Variants in VIL1 observed in about 807,000 individuals in gnomAD.
The protein encoded by VIL1 is villin-1.
A neutral mutation model predicts 104.0 loss-of-function variants in VIL1; 86 were observed. The observed-to-expected ratio is 0.83, with a 90% CI of 0.69 to 0.99. The LOEUF is 0.99. Among genes scored for constraint, VIL1 ranks in the 50% least tolerant of loss-of-function variants. VIL1 has a pLI of 0.00. For missense variants in VIL1, 944 were observed against 1,054.1 expected (o/e 0.90, Z 1.45); for synonymous variants, 394 against 412.6 (o/e 0.95, Z 0.55).
intron 4 of VIL1, among the ~76,000 whole-genome samples, chr2:218,426,639 C>T (rs767896988): frequency 6.8e-6 from 1 of 147,850 alleles, no homozygotes; most frequent in Non-Finnish European, 1.5e-5. Context: ...TCTTGTTCTG[C>T]CGCCCAGGCT....
At chr2:218,438,604 A>T in intron 17 of VIL1, 54 bp from the exon 18 acceptor site, 1 of 1,537,998 alleles carries the variant, frequency 6.5e-7, no homozygotes, top group Non-Finnish European at 8.9e-7. Context: ...ATGGCTTCTC[A>T]TCCATCTCCT....
rs944579577 is a variant in VIL1, at chr2:218,449,370, C to G, written c.*34C>G. On this transcript the variant is annotated 3_prime_UTR_variant, in exon 20 of 20. Coordinates refer to ENST00000248444, the MANE Select transcript of VIL1 (RefSeq NM_007127.3). ...GCTGTGGTTGTAAAGCAGTACCCTA[C>G]CCTGATTGTAGGGTCTCATTTTCTC... 2 of 1,527,966 alleles carry G rather than the reference C, an allele frequency of 1.3e-6. No individual in the cohort carries two copies. The allele number at this position is 1,527,966 out of a possible 1,614,324, so 94.7% of individuals were successfully genotyped here. A position where few individuals can be genotyped will look rare whatever the true frequency, so the allele number is the denominator to read the frequency against.
intron 6 of VIL1, 29 bp from the exon 7 acceptor site, chr2:218,429,256 C>T: frequency 6.3e-7 from 1 of 1,594,918 alleles, no homozygotes; most frequent in Non-Finnish European, 8.6e-7. Flanking sequence ...CCGACTACTC[C>T]CGATGGGTCA....
At chr2:218,429,794 C>A (rs1689064995) in intron 8 of VIL1, 55 bp from the exon 9 acceptor site, 1 of 1,590,976 alleles carries the variant, frequency 6.3e-7, no homozygotes, top group Non-Finnish European at 8.6e-7. Context: ...GTGTGTGAGG[C>A]TTTCCCAGTC....
chr2:218,422,909 A>G (rs960037704), intron 1 of VIL1, among the ~76,000 whole-genome samples: 1 of 152,200 alleles, frequency 6.6e-6, no homozygotes, highest in Non-Finnish European at 1.5e-5. Flanking sequence ...GCCCTAGTTC[A>G]TATCAGAATC....
At chr2:218,442,501 C>A (rs1185191028) in intron 19 of VIL1, among the ~76,000 whole-genome samples, 1 of 152,112 alleles carries the variant, frequency 6.6e-6, no homozygotes, top group Non-Finnish European at 1.5e-5. Context: ...TAGATAAGAT[C>A]TCACTCTGTT....
chr2:218,451,695 T>G lies in VIL1; in HGVS notation c.*2359T>G, dbSNP rs2106400256. The G allele has an allele frequency of 6.6e-6, 1 of 152,390 alleles. No individual in the cohort carries two copies. The highest frequency in any genetic ancestry group is 1.9e-4 in the East Asian group (1 of 5,188). 9.4% of individuals were successfully genotyped at this position (152,390 alleles called of 1,614,324 possible). ...ATTTTAAAGCCTCTGTTTCAGAATT[T>G]TATACTTGATCAAGGAGAAAAATAA... On this transcript the variant is annotated 3_prime_UTR_variant, in exon 20 of 20. Coordinates refer to ENST00000248444, the MANE Select transcript of VIL1 (RefSeq NM_007127.3).
At chr2:218,448,864 G>A (rs1689415139) in intron 19 of VIL1, among the ~76,000 whole-genome samples, 1 of 152,040 alleles carries the variant, frequency 6.6e-6, no homozygotes. Context: ...AGTTACCAGG[G>A]CATGGTGGCG....
At chr2:218,423,288 G>A (rs1265638590) in intron 1 of VIL1, among the ~76,000 whole-genome samples, 2 of 152,164 alleles carry the variant, frequency 1.3e-5, no homozygotes, top group Admixed American at 6.5e-5. Flanking sequence ...CCAGCTATGC[G>A]GGAGGTTGAG....
chr2:218,428,922 G>A (rs561167843), intron 6 of VIL1, among the ~76,000 whole-genome samples: 3 of 152,124 alleles, frequency 2.0e-5, no homozygotes, highest in Non-Finnish European at 2.9e-5. Context: ...CACCCGCCTC[G>A]GCCTCCCAGA....
In VIL1 at chr2:218,425,704, C is replaced by A; in HGVS notation, c.240C>A (p.Ile80=). 1 of 1,614,200 alleles carries A rather than the reference C, an allele frequency of 6.2e-7. No individual in the cohort carries two copies. The highest frequency in any genetic ancestry group is 1.1e-5 in the South Asian group (1 of 91,090). Reference sequence around the variant, plus strand: ...TGGATGAGCAGGGGGCAGCTGCCATCTACACCACACAGATGGATGACTTCC... The same window carrying A: ...TGGATGAGCAGGGGGCAGCTGCCATATACACCACACAGATGGATGACTTCC... ...SSLDEQGAAA[I]YTTQMDDFLK... is the part of the protein sequence containing the mutation. Residue 80 remains isoleucine, a synonymous_variant, in exon 4 of 20, where the codon ATC becomes ATA. Coordinates refer to ENST00000248444, the MANE Select transcript of VIL1 (RefSeq NM_007127.3).
At chr2:218,424,191 G>A (rs1027808877) in intron 2 of VIL1, 86 bp from the exon 3 acceptor site, 44 of 1,204,480 alleles carry the variant, frequency 3.7e-5, no homozygotes, top group African/African-American at 9.2e-5. Flanking sequence ...CTTTGTCTCC[G>A]ACGCCTCCTC....
intron 6 of VIL1, 97 bp from the exon 7 acceptor site, chr2:218,429,188 C>T (rs1161760738): frequency 1.4e-6 from 2 of 1,391,198 alleles, no homozygotes; most frequent in African/African-American, 2.9e-5. Context: ...CCTGTGGCTG[C>T]TGTAGGTGGT....
intron 13 of VIL1, among the ~76,000 whole-genome samples, chr2:218,433,901 G>GAA (rs35518584): frequency 4.2e-5 from 5 of 118,510 alleles, no homozygotes; most frequent in Admixed American, 1.8e-4. Context: ...CCGTCTCAAG[G>GAA]AAAAAAAAAA....
intron 4 of VIL1, among the ~76,000 whole-genome samples, chr2:218,426,982 T>A (rs188727495): frequency 5.3e-5 from 8 of 152,278 alleles, no homozygotes; most frequent in Admixed American, 4.6e-4. Context: ...ACTCCTGGGC[T>A]CAAGTGATTC....
rs967643784 is a variant in VIL1 at position 218,451,659 on chromosome 2, T to C, written c.*2323T>C. 82 of 152,208 alleles carry C rather than the reference T, an allele frequency of 5.4e-4. No homozygotes were observed. The highest frequency in any genetic ancestry group is 1.9e-3 in the African/African-American group (79 of 41,452). The allele number at this position is 152,208 out of a possible 1,614,324, so 9.4% of individuals were successfully genotyped here. On this transcript the variant is annotated 3_prime_UTR_variant, in exon 20 of 20. Transcript: ENST00000248444. ...TCAGTAAATTCATGGATTATTTTGC[T>C]GAGGTTTTAAATTTTAAAGCCTCTG...
chr2:218,447,534 G>C (rs1250401507), intron 19 of VIL1, among the ~76,000 whole-genome samples: 4 of 151,964 alleles, frequency 2.6e-5, no homozygotes, highest in Non-Finnish European at 4.4e-5. Flanking sequence ...TGCCCAGGCT[G>C]GTCTTGAACT....
intron 13 of VIL1, among the ~76,000 whole-genome samples, chr2:218,434,197 CA>C (rs772237911): frequency 0.011 from 1,054 of 92,026 alleles, 19 homozygotes; most frequent in African/African-American, 0.03. Flanking sequence ...AACTCCGTCT[CA>C]AAAAAAAAAA....
intron 2 of VIL1, 76 bp downstream of exon 2, chr2:218,423,929 A>C: frequency 6.5e-7 from 1 of 1,546,800 alleles, no homozygotes. Context: ...GAGGCCTGGG[A>C]TTTCTCTTCG....
Sources: allele counts gnomAD v4.1 joint callset (sites outside exome capture counted in the v4.1 genomes callset), GRCh38; gene constraint gnomAD v4.1.1; transcripts MANE v1.5; gene names NCBI Gene and HGNC (gene_info 2026-07-23, HGNC 2026-07-21).